CXADR: variants seen among roughly 807,000 people sequenced by gnomAD.
The protein encoded by CXADR is CXADR cell adhesion molecule.
In CXADR, 20 loss-of-function variants were observed where a neutral mutation model predicts 40.3. The ratio of observed to expected loss-of-function variants is 0.50; its 90% CI spans 0.35 to 0.72. CXADR has a LOEUF of 0.72. Among genes scored for constraint, CXADR ranks in the 30% least tolerant of loss-of-function variants. The pLI, the probability that CXADR is intolerant of heterozygous loss-of-function variation, is 0.01. For missense variants in CXADR, 332 were observed against 449.1 expected (o/e 0.74, Z 2.36); for synonymous variants, 150 against 161.3 (o/e 0.93, Z 0.53).
At chr21:17,551,346 T>C (rs1264617230) in intron 2 of CXADR, among the ~76,000 whole-genome samples, 1 of 149,176 alleles carries the variant, frequency 6.7e-6, no homozygotes, top group Non-Finnish European at 1.5e-5. Context: ...GGAGCCGAGA[T>C]CTCACCATTG....
rs1318156571 is a variant in CXADR at position 17,569,041 on chromosome 21, A to G, written c.*3349A>G. ...TAATCTTGGAAATTTGGAACAAGTAAAGGGGCAAGTAAACCTTTTGATGAA... is the reference window on the plus strand; with the variant it reads ...TAATCTTGGAAATTTGGAACAAGTAGAGGGGCAAGTAAACCTTTTGATGAA... On this transcript the variant is annotated 3_prime_UTR_variant, in exon 7 of 7. Coordinates refer to ENST00000284878, the MANE Select transcript of CXADR (RefSeq NM_001338.5). 4.1e-6 allele frequency: 4 copies of G among 985,290 alleles called. No homozygotes were observed. The East Asian group carries it at 4.5e-4, about 112-fold the overall frequency. The allele number at this position is 985,290 out of a possible 1,614,324, so 61.0% of individuals were successfully genotyped here.
At chr21:17,548,512 G>T (rs1207849843) in intron 2 of CXADR, among the ~76,000 whole-genome samples, 1 of 152,176 alleles carries the variant, frequency 6.6e-6, no homozygotes, top group Admixed American at 6.5e-5. Flanking sequence ...CTCTGGAGGT[G>T]CTGGCACCTA....
At chr21:17,595,753 A>G (rs1183890689), downstream of CXADR, among the ~76,000 whole-genome samples, 1 of 152,066 alleles carries the variant, frequency 6.6e-6, no homozygotes, top group Non-Finnish European at 1.5e-5. Flanking sequence ...GTTAATTCTA[A>G]TAGAAGGCTT....
chr21:17,612,816 C>G, the CXADR span: 3 of 152,196 alleles, frequency 2.0e-5, no homozygotes, highest in Admixed American at 1.3e-4. Flanking sequence ...CGCAGCGAGC[C>G]TCGTCCGGCG....
At chr21:17,534,789 C>CTTTTTTTTTTTTTTTT (rs11427595) in intron 1 of CXADR, among the ~76,000 whole-genome samples, 12 of 131,926 alleles carry the variant, frequency 9.1e-5, no homozygotes, top group East Asian at 2.4e-4. Flanking sequence ...TATTTTCTTC[C>CTTTTTTTTTTTTTTTT]TTTTTTTTTT....
chr21:17,603,117 TAA>T, the CXADR span, among the ~76,000 whole-genome samples: 1 of 152,196 alleles, frequency 6.6e-6, no homozygotes, highest in Non-Finnish European at 1.5e-5. Flanking sequence ...AACTGTGTGT[TAA>T]ATAGGAGCCA....
chr21:17,524,041 TGC>T (rs1382191634), intron 1 of CXADR, among the ~76,000 whole-genome samples: 2 of 134,376 alleles, frequency 1.5e-5, no homozygotes, highest in African/African-American at 6.6e-5. Context: ...TGTGTGTGTG[TGC>T]GTGTGTGTGT....
intron 7 of CXADR, among the ~76,000 whole-genome samples, chr21:17,575,348 A>G (rs1218612838): frequency 6.7e-6 from 1 of 148,514 alleles, no homozygotes; most frequent in East Asian, 2.0e-4. Flanking sequence ...TGCCTGGCTA[A>G]TTTTTTTGAT....
rs1183695657 is a variant in CXADR at position 17,547,164 on chromosome 21, C to A, written c.181C>A (p.Pro61Thr). The A allele has an allele frequency of 6.2e-7, 1 of 1,614,180 alleles. No individual in the cohort carries two copies. Among genetic ancestry groups the A allele is most frequent in the Non-Finnish European group, 8.5e-7 (1 of 1,180,036 alleles). ...GCTGGACATCGAGTGGCTGATATCA[C>A]CAGCTGATAATCAGAAGGTGGATCA... ...GPLDIEWLISPADNQKVDQVI... is the reference protein window; with the variant it reads ...GPLDIEWLISTADNQKVDQVI... The change falls in exon 2 of 7, where the codon CCA becomes ACA. Residue 61 changes from proline to threonine, a missense_variant. Around this residue, in one of 3 missense-constraint regions of CXADR, gnomAD observed 162 missense variants for 198.5 expected, o/e 0.82. Transcript: ENST00000284878.
At chr21:17,513,245 C>A in intron 1 of CXADR, 73 bp downstream of exon 1, 1 of 1,303,238 alleles carries the variant, frequency 7.7e-7, no homozygotes, top group Non-Finnish European at 9.9e-7. Flanking sequence ...CACCCAGGAA[C>A]AATGGGGCGT....
At chr21:17,586,384 A>G (rs970659086) in intron 7 of CXADR, among the ~76,000 whole-genome samples, 29 of 137,432 alleles carry the variant, frequency 2.1e-4, no homozygotes, top group Non-Finnish European at 2.8e-4. Context: ...AAATGTGTGT[A>G]TATATATATA....
At chr21:17,570,359 C>T (rs552609086), downstream of CXADR, among the ~76,000 whole-genome samples, 377 of 152,280 alleles carry the variant, frequency 2.5e-3, 3 homozygotes, top group Non-Finnish European at 2.1e-3. Context: ...GTTCTGTGAT[C>T]ATTTCAGAAT....
At position 17,567,721 on chromosome 21, in the gene CXADR, T is replaced by C; in HGVS notation, c.*2029T>C. 3 of 849,280 alleles carry C rather than the reference T, an allele frequency of 3.5e-6. No individual in the cohort carries two copies. The highest frequency in any genetic ancestry group is 1.4e-6 in the Non-Finnish European group (1 of 705,220). The allele number at this position is 849,280 out of a possible 1,614,324, so 52.6% of individuals were successfully genotyped here. A position where few individuals can be genotyped will look rare whatever the true frequency, so the allele number is the denominator to read the frequency against. On this transcript the variant is annotated 3_prime_UTR_variant, in exon 7 of 7. Transcript: ENST00000284878. ...ATGAATAAAGTTTATTTATAAAATA[T>C]TATAAAAAATAAGTAAATAAACAGA...
chr21:17,557,013 C>T (rs1355720640), intron 3 of CXADR, among the ~76,000 whole-genome samples: 1 of 152,164 alleles, frequency 6.6e-6, no homozygotes, highest in Non-Finnish European at 1.5e-5. Flanking sequence ...CCAGTGTTCA[C>T]ATGAGTGTTC....
At chr21:17,604,768 A>G in the CXADR span, 16 of 1,428,276 alleles carry the variant, frequency 1.1e-5, 1 homozygote, top group African/African-American at 1.9e-4. Flanking sequence ...GCTCCTGGCC[A>G]TAAAGATACA....
chr21:17,518,393 A>T, intron 1 of CXADR: 2 of 499,836 alleles, frequency 4.0e-6, no homozygotes. Context: ...AAAATGCTGA[A>T]CAGCATTATT....
chr21:17,600,970 T>C, the CXADR span, among the ~76,000 whole-genome samples: 1 of 152,170 alleles, frequency 6.6e-6, no homozygotes, highest in African/African-American at 2.4e-5. Flanking sequence ...GAGGCCAGCC[T>C]GGCCAACATG....
chr21:17,602,023 T>C, the CXADR span, among the ~76,000 whole-genome samples: 19 of 152,282 alleles, frequency 1.2e-4, no homozygotes, highest in Middle Eastern at 3.4e-3. Flanking sequence ...GGAGAATTAG[T>C]AGACACCTGG....
At chr21:17,554,118 C>G (rs1324167380) in intron 3 of CXADR, among the ~76,000 whole-genome samples, 1 of 152,214 alleles carries the variant, frequency 6.6e-6, no homozygotes, top group Non-Finnish European at 1.5e-5. Context: ...GACAGTTACA[C>G]TGGGATTAAT....
Sources: gnomAD v4.1 joint callset for allele counts (sites outside exome capture counted in the v4.1 genomes callset) on GRCh38, gnomAD v4.1.1 for gene constraint, gnomAD v4.1.1 regional missense constraint, MANE v1.5 for transcripts, NCBI Gene and HGNC (gene_info 2026-07-23, HGNC 2026-07-21) for gene names.